The following TMC1 variants were observed in gnomAD, a reference collection of about 807,000 sequenced individuals.
TMC1 encodes transmembrane channel like 1.
TMC1 carries 84 observed loss-of-function variants against 105.8 expected under a neutral mutation model. That is an observed-to-expected ratio of 0.79 (90% CI 0.67 to 0.95). TMC1 has a LOEUF of 0.95. Ranked by LOEUF, TMC1 falls within the 40% of genes least tolerant of loss-of-function variation. The probability of loss-of-function intolerance (pLI) is 0.00; values close to 1 mark genes in which losing one functional copy is unlikely to be tolerated. For missense variants in TMC1, 817 were observed against 914.1 expected, an observed-to-expected ratio of 0.89 and a Z score of 1.37; for synonymous variants, 315 against 311.5, an observed-to-expected ratio of 1.01 and a Z score of -0.12.
At chr9:72,572,685 T>G (rs915944916) in intron 1 of TMC1, among the ~76,000 whole-genome samples, 3 of 152,162 alleles carry the variant, frequency 2.0e-5, no homozygotes, top group East Asian at 1.9e-4. Context: ...AAACTTACTC[T>G]TTTTTAAATT....
At chr9:72,794,548 A>G (rs932276919) in intron 17 of TMC1, among the ~76,000 whole-genome samples, 1 of 152,176 alleles carries the variant, frequency 6.6e-6, no homozygotes, top group African/African-American at 2.4e-5. Flanking sequence ...GAAACCAAAG[A>G]CAAGTACTCA....
chr9:72,704,537 C>T (rs2793150), intron 8 of TMC1, among the ~76,000 whole-genome samples: 34,658 of 151,994 alleles, frequency 0.23, 4,277 homozygotes, highest in East Asian at 0.39. Context: ...GCTACATAGG[C>T]AGGCAGCTCT....
At chr9:72,800,801 A>G (rs1828457467) in intron 17 of TMC1, among the ~76,000 whole-genome samples, 1 of 152,094 alleles carries the variant, frequency 6.6e-6, no homozygotes, top group African/African-American at 2.4e-5. Context: ...GCCAAGGGAA[A>G]AGGGGTTGTG....
chr9:72,746,533 T>C (rs1283384538), intron 10 of TMC1, among the ~76,000 whole-genome samples: 1 of 152,168 alleles, frequency 6.6e-6, no homozygotes, highest in Admixed American at 6.5e-5. Context: ...TTCCCCACTC[T>C]CTGCTCAGTA....
chr9:72,820,526 G>A (rs1828849942), intron 19 of TMC1, among the ~76,000 whole-genome samples: 1 of 152,244 alleles, frequency 6.6e-6, no homozygotes, highest in South Asian at 2.1e-4. Flanking sequence ...GAAGAAAGAA[G>A]TAAAACAATT....
intron 1 of TMC1, among the ~76,000 whole-genome samples, chr9:72,524,829 G>A (rs1823379086): frequency 6.6e-6 from 1 of 152,162 alleles, no homozygotes; most frequent in South Asian, 2.1e-4. Context: ...GAAAACTGAG[G>A]CCACATAGCC....
intron 10 of TMC1, among the ~76,000 whole-genome samples, chr9:72,743,391 TA>T (rs886595394): frequency 2.3e-5 from 3 of 132,198 alleles, no homozygotes; most frequent in African/African-American, 8.2e-5. Flanking sequence ...ATAAAAAAAA[TA>T]AAAAATAAAA....
intron 13 of TMC1, among the ~76,000 whole-genome samples, chr9:72,788,061 A>G (rs1467007623): frequency 2.0e-5 from 3 of 152,222 alleles, no homozygotes; most frequent in Non-Finnish European, 2.9e-5. Flanking sequence ...GTTAAACAAA[A>G]CACATAAAAA....
At chr9:72,802,734 A>G (rs1481555029) in intron 17 of TMC1, among the ~76,000 whole-genome samples, 1 of 152,212 alleles carries the variant, frequency 6.6e-6, no homozygotes, top group Non-Finnish European at 1.5e-5. Context: ...ATCAGAGAGG[A>G]CACAAACATA....
intron 12 of TMC1, among the ~76,000 whole-genome samples, chr9:72,755,170 A>T (rs930521420): frequency 1.3e-5 from 2 of 152,194 alleles, no homozygotes; most frequent in Admixed American, 6.5e-5. Flanking sequence ...ACTATGATTT[A>T]GGACAATGGT....
chr9:72,591,587 G>T (rs933448833), intron 2 of TMC1, among the ~76,000 whole-genome samples: 6 of 152,128 alleles, frequency 3.9e-5, no homozygotes, highest in Admixed American at 2.0e-4. Context: ...ATTAGAGATG[G>T]TCTCACACTG....
intron 5 of TMC1, among the ~76,000 whole-genome samples, chr9:72,677,958 C>T (rs564203029): frequency 7.9e-5 from 12 of 152,114 alleles, no homozygotes; most frequent in African/African-American, 2.4e-4. Flanking sequence ...CAAACTTTAC[C>T]CATGTAAAGA....
At chr9:72,617,341 T>C (rs1159488992) in intron 3 of TMC1, among the ~76,000 whole-genome samples, 1 of 152,090 alleles carries the variant, frequency 6.6e-6, no homozygotes, top group African/African-American at 2.4e-5. Context: ...TTTTTGTATT[T>C]TTAGTAGAGA....
chr9:72,669,419 T>A (rs184205400), intron 5 of TMC1, among the ~76,000 whole-genome samples: 27 of 152,344 alleles, frequency 1.8e-4, no homozygotes, highest in African/African-American at 6.3e-4. Context: ...AATTTTGGCA[T>A]ATTTCATTTC....
Position 72,793,005 on chromosome 9 carries a change from G to T in TMC1, c.1566+653G>T, listed in dbSNP as rs754122498. On this transcript the variant is annotated intron_variant, in intron 17 of 23. Coordinates refer to ENST00000297784, the MANE Select transcript of TMC1 (RefSeq NM_138691.3). ...AGTGGTGAGTGAATGCACGACCTTG[G>T]GAACCCATACTTCTCCCGTGGATCT... 2.0e-5 allele frequency among the ~76,000 whole-genome samples: 3 copies of T among 152,142 alleles called. No individual in the cohort carries two copies. The South Asian group carries it at 6.2e-4, about 32-fold the overall frequency.
intron 2 of TMC1, among the ~76,000 whole-genome samples, chr9:72,593,603 G>C: frequency 1.3e-5 from 2 of 151,708 alleles, no homozygotes; most frequent in East Asian, 3.9e-4. Context: ...TGTTGGTCAG[G>C]CTGGTCTTGA....
At chr9:72,811,336 A>G (rs1029435126) in intron 18 of TMC1, among the ~76,000 whole-genome samples, 29 of 152,314 alleles carry the variant, frequency 1.9e-4, no homozygotes, top group Admixed American at 1.0e-3. Flanking sequence ...GGCTTGGAGC[A>G]GATTACCAGA....
intron 1 of TMC1, among the ~76,000 whole-genome samples, chr9:72,542,533 T>A (rs1351132854): frequency 6.6e-6 from 1 of 151,852 alleles, no homozygotes; most frequent in African/African-American, 2.4e-5. Flanking sequence ...GGTGGGAGAA[T>A]CACTTGAACC....
At chr9:72,569,732 C>T (rs1824237390) in intron 1 of TMC1, among the ~76,000 whole-genome samples, 1 of 152,142 alleles carries the variant, frequency 6.6e-6, no homozygotes, top group Non-Finnish European at 1.5e-5. Flanking sequence ...GGGCTCCAAC[C>T]TGGGAAGCCA....
Sources: allele counts gnomAD v4.1 joint callset (sites outside exome capture counted in the v4.1 genomes callset), GRCh38; gene constraint gnomAD v4.1.1; transcripts MANE v1.5; gene names NCBI Gene and HGNC (gene_info 2026-07-23, HGNC 2026-07-21).